GPR137B: variants seen among roughly 807,000 people sequenced by gnomAD.
GPR137B encodes the protein integral membrane protein GPR137B.
In GPR137B, 42 loss-of-function variants were observed where a neutral mutation model predicts 42.5. The ratio of observed to expected loss-of-function variants is 0.99; its 90% CI spans 0.77 to 1.28. The LOEUF (loss-of-function observed/expected upper bound fraction) is 1.28. GPR137B is among the 50% of genes most tolerant of loss of function. The pLI is 0.00. For synonymous variants in GPR137B, 218 were observed against 209.7 expected, an observed-to-expected ratio of 1.04 and a Z score of -0.34; for missense variants, 487 against 493.9, an observed-to-expected ratio of 0.99 and a Z score of 0.13.
Position 236,179,957 on chromosome 1 carries a change from T to C in GPR137B, c.766T>C (p.Phe256Leu), listed in dbSNP as rs752959912. The C allele has an allele frequency of 1.9e-6, 3 of 1,612,992 alleles. No homozygotes were observed. The highest frequency in any genetic ancestry group is 1.7e-5 in the Admixed American group (1 of 59,984). ...LYTSRACYNL[F>L]ILSFSQNKSV... Reference sequence around the variant, plus strand: ...CACCTCTCGGGCCTGCTACAACCTGTTCATCCTGTCATTTTCTCAGAACAA... The same window carrying C: ...CACCTCTCGGGCCTGCTACAACCTGCTCATCCTGTCATTTTCTCAGAACAA... Residue 256 changes from phenylalanine (F) to leucine (L), a missense_variant, in exon 4 of 7, where the codon TTC (phenylalanine) becomes CTC (leucine). Coordinates refer to ENST00000366592, the MANE Select transcript of GPR137B (RefSeq NM_003272.4).
At chr1:236,200,900 C>CTTT (rs3082496) in intron 5 of GPR137B, among the ~76,000 whole-genome samples, 86 of 149,652 alleles carry the variant, frequency 5.7e-4, no homozygotes, top group East Asian at 1.6e-3. Flanking sequence ...TGCCTGAATA[C>CTTT]TTTTTTTTTT....
chr1:236,151,321 C>T (rs954283095), intron 1 of GPR137B, among the ~76,000 whole-genome samples: 9 of 152,024 alleles, frequency 5.9e-5, no homozygotes, highest in African/African-American at 2.2e-4. Context: ...CAGATGAAGC[C>T]CAAATGGTTT....
chr1:236,203,421 A>G (rs189878541), intron 5 of GPR137B, among the ~76,000 whole-genome samples: 15 of 152,214 alleles, frequency 9.9e-5, no homozygotes, highest in Admixed American at 2.6e-4. Context: ...TTTAGTTACT[A>G]TAACTCTGTA....
At chr1:236,154,101 C>T (rs542146454) in intron 1 of GPR137B, among the ~76,000 whole-genome samples, 1 of 152,258 alleles carries the variant, frequency 6.6e-6, no homozygotes, top group African/African-American at 2.4e-5. Context: ...CTCACCAGAA[C>T]CAGATTCTGG....
chr1:236,179,875 C>T lies in GPR137B; in HGVS notation c.688-4C>T, dbSNP rs769886376. The stretch of plus-strand genomic sequence containing the variant: ...TCCCATACCTTCTGCTCCCTCTTTT[C>T]CAGGGCTCCTCCGTGTGTCAAGTGA... On this transcript the variant is annotated splice_polypyrimidine_tract_variant and splice_region_variant and intron_variant, in intron 3 of 6. Coordinates refer to ENST00000366592, the MANE Select transcript of GPR137B (RefSeq NM_003272.4). The T allele has an allele frequency of 6.4e-7, 1 of 1,567,932 alleles. No homozygotes were observed. The highest frequency in any genetic ancestry group is 1.4e-5 in the African/African-American group (1 of 73,850).
rs115073563 is a variant in GPR137B at position 236,167,578 on chromosome 1, G to A, written c.415-1128G>A. ...AGAGTCCAGACTTGCCGGAATGGGC[G>A]TCTTCAGATGCTTGACAGATTGTTT... On this transcript the variant is annotated intron_variant, in intron 1 of 6. Coordinates refer to ENST00000366592, the MANE Select transcript of GPR137B (RefSeq NM_003272.4). Among the ~76,000 whole-genome samples, 323 of 152,276 alleles carry A rather than the reference G, an allele frequency of 2.1e-3. 1 individual carries two copies. The highest frequency in any genetic ancestry group is 3.8e-3 in the Non-Finnish European group (260 of 68,018).
intron 2 of GPR137B, among the ~76,000 whole-genome samples, chr1:236,174,451 C>T (rs192955051): frequency 8.5e-5 from 13 of 152,126 alleles, no homozygotes; most frequent in Middle Eastern, 3.4e-3. Context: ...CTGGAAGATG[C>T]GGGGTGGGGC....
At chr1:236,181,051 GT>G (rs1041879566) in intron 4 of GPR137B, among the ~76,000 whole-genome samples, 1 of 151,534 alleles carries the variant, frequency 6.6e-6, no homozygotes, top group Non-Finnish European at 1.5e-5. Context: ...GAATGTTTTT[GT>G]TTTTTTTGTC....
intron 1 of GPR137B, 88 bp downstream of exon 1, chr1:236,143,124 G>A (rs1661576687): frequency 1.7e-6 from 2 of 1,169,640 alleles, no homozygotes; most frequent in East Asian, 2.3e-5. Flanking sequence ...CAGCCGCGGG[G>A]GCGGGTCCGG....
In GPR137B at chr1:236,172,524, G is replaced by A. The variant is rs149783032; in HGVS notation, c.464+3769G>A. 3.7e-3 allele frequency among the ~76,000 whole-genome samples: 568 copies of A among 152,240 alleles called. 3 individuals carry two copies. The highest frequency in any genetic ancestry group is 0.013 in the African/African-American group (546 of 41,544). ...GCTAGCTCAGAGTTTTGCTGGAGTG[G>A]AAGGCAATTTAATTCAGGCTTTCTC... On this transcript the variant is annotated intron_variant, in intron 2 of 6. Transcript: ENST00000366592.
chr1:236,162,963 G>T (rs111354724), intron 1 of GPR137B, among the ~76,000 whole-genome samples: 2 of 152,166 alleles, frequency 1.3e-5, no homozygotes, highest in Admixed American at 6.5e-5. Context: ...ACCTCAGAAT[G>T]GTATATCCAC....
chr1:236,180,126 C>A (rs1302568899), intron 4 of GPR137B, 98 bp downstream of exon 4: 1 of 893,558 alleles, frequency 1.1e-6, no homozygotes, highest in Non-Finnish European at 1.9e-6. Flanking sequence ...AATCTGGATG[C>A]TCAAGTCCCT....
At chr1:236,154,550 C>G (rs372251069) in intron 1 of GPR137B, among the ~76,000 whole-genome samples, 1 of 151,290 alleles carries the variant, frequency 6.6e-6, no homozygotes, top group African/African-American at 2.4e-5. Flanking sequence ...GAGCTTCCCC[C>G]GTTACCCACA....
chr1:236,204,646 T>G (rs552293923), intron 5 of GPR137B, among the ~76,000 whole-genome samples: 1 of 152,202 alleles, frequency 6.6e-6, no homozygotes, highest in African/African-American at 2.4e-5. Context: ...AACCCTTGTT[T>G]TAGGGACAGA....
chr1:236,173,398 GAA>G (rs1467045567), intron 2 of GPR137B, among the ~76,000 whole-genome samples: 2 of 104,792 alleles, frequency 1.9e-5, no homozygotes, highest in Admixed American at 1.0e-4. Flanking sequence ...GACAGGTAGG[GAA>G]AGAGAGAGAG....
chr1:236,142,805 C>G lies in GPR137B; in HGVS notation c.183C>G (p.Tyr61Ter). The change falls in exon 1 of 7, where the codon TAC becomes TAG. Residue 61 changes from tyrosine (Y) to a stop codon, truncating the protein, a stop_gained. Coordinates refer to ENST00000366592, the MANE Select transcript of GPR137B (RefSeq NM_003272.4). LOFTEE classifies it high-confidence loss of function. ...VFYALLFVFI[Y>*]VQLWLVLRYR... is the part of the protein sequence containing the mutation. ...ACGCGCTGCTCTTCGTGTTCATCTA[C>G]GTGCAGCTCTGGCTGGTGCTGCGTT... 1 of 1,613,946 alleles carries G rather than the reference C, an allele frequency of 6.2e-7. No individual in the cohort carries two copies. The highest frequency in any genetic ancestry group is 8.5e-7 in the Non-Finnish European group (1 of 1,179,850).
At chr1:236,161,055 G>C (rs1403595920) in intron 1 of GPR137B, among the ~76,000 whole-genome samples, 1 of 151,970 alleles carries the variant, frequency 6.6e-6, no homozygotes, top group African/African-American at 2.4e-5. Flanking sequence ...AAGGAACCCC[G>C]TGCCTCTTAG....
chr1:236,143,308 G>C (rs1189294316), intron 1 of GPR137B, among the ~76,000 whole-genome samples: 2 of 152,280 alleles, frequency 1.3e-5, no homozygotes. Context: ...CGCATCGTGC[G>C]GTGGATTCGG....
intron 5 of GPR137B, among the ~76,000 whole-genome samples, chr1:236,188,901 G>T (rs1486546738): frequency 6.6e-6 from 1 of 152,180 alleles, no homozygotes; most frequent in African/African-American, 2.4e-5. Context: ...AATGGTACCA[G>T]CTCCTCTTTG....
Sources: allele counts gnomAD v4.1 joint callset (sites outside exome capture counted in the v4.1 genomes callset), GRCh38; gene constraint gnomAD v4.1.1; transcripts MANE v1.5; gene names NCBI Gene and HGNC (gene_info 2026-07-23, HGNC 2026-07-21).